JRK: variants seen among roughly 807,000 people sequenced by gnomAD.
The protein encoded by JRK is Jrk helix-turn-helix protein, also known as jerky protein homolog.
For synonymous variants in JRK, 303 were observed against 218.1 expected (o/e 1.39, Z -3.43); for missense variants, 720 against 509.2 (o/e 1.41, Z -3.98).
chr8:142,658,957 A>G lies in JRK; in HGVS notation c.*5395T>C. On this transcript the variant is annotated 3_prime_UTR_variant, in exon 2 of 2. Coordinates refer to ENST00000612905, the MANE Select transcript of JRK (RefSeq NM_003724.4). ...GGCCCACAGTCTCCTGAAACAACAG[A>G]ACTTTGCTGCTTCATGGAGGAGCGT... is the stretch of plus-strand genomic sequence containing the variant. The G allele has an allele frequency of 6.2e-7, 1 of 1,611,686 alleles. No individual in the cohort carries two copies.
the JRK span, among the ~76,000 whole-genome samples, chr8:142,652,138 A>G: frequency 5.9e-5 from 9 of 152,336 alleles, no homozygotes; most frequent in Admixed American, 6.5e-5. Context: ...AGCCATAAAG[A>G]TAACTCAAGC....
chr8:142,660,189 G>A lies in JRK; in HGVS notation c.*4163C>T, dbSNP rs183248872. The A allele has an allele frequency of 4.6e-4, 452 of 985,516 alleles. 3 individuals are homozygous for A. The African/African-American group carries it at 6.6e-3, about 14-fold the overall frequency. The allele number at this position is 985,516 out of a possible 1,614,324, so 61.0% of individuals were successfully genotyped here. On this transcript the variant is annotated 3_prime_UTR_variant, in exon 2 of 2. Coordinates refer to ENST00000612905, the MANE Select transcript of JRK (RefSeq NM_003724.4). ...GGCAGCTGAGTCCAACGCAGTGCCC[G>A]AGAGCTCAGCCCTTGTCAAGGAGAG...
intron 1 of JRK, among the ~76,000 whole-genome samples, chr8:142,668,410 C>T (rs1253029485): frequency 1.3e-5 from 2 of 152,146 alleles, no homozygotes; most frequent in Admixed American, 6.5e-5. Context: ...CTGCATTGTT[C>T]GCTGAGGGTG....
chr8:142,664,327 T>C lies in JRK; in HGVS notation c.*25A>G. ...AGGGTGTGGGGAGAAACAGGGCCAG[T>C]GGCCAGGGCAGGGCAGAGAAGCCAT... On this transcript the variant is annotated 3_prime_UTR_variant, in exon 2 of 2. Coordinates refer to ENST00000612905, the MANE Select transcript of JRK (RefSeq NM_003724.4). 1.3e-6 allele frequency: 2 copies of C among 1,525,752 alleles called. No homozygotes were observed. Among genetic ancestry groups the C allele is most frequent in the Non-Finnish European group, 1.8e-6 (2 of 1,135,122 alleles). 94.5% of individuals were successfully genotyped at this position (1,525,752 alleles called of 1,614,324 possible).
Position 142,664,037 on chromosome 8 carries a change from A to C in JRK, c.*315T>G. On this transcript the variant is annotated 3_prime_UTR_variant, in exon 2 of 2. Transcript: ENST00000612905. ...ATGATCAGCCAGCGAACACGAGACC[A>C]GATCGGCTCAGCCTGGCCCCCATTC... is the stretch of plus-strand genomic sequence containing the variant. The C allele has an allele frequency of 8.6e-7, 1 of 1,166,052 alleles. No individual in the cohort carries two copies. The highest frequency in any genetic ancestry group is 1.6e-5 in the African/African-American group (1 of 63,354). The allele number at this position is 1,166,052 out of a possible 1,614,324, so 72.2% of individuals were successfully genotyped here.
In JRK at chr8:142,664,073, G is replaced by GCTTGAAAAAA; in HGVS notation, c.*278_*279insTTTTTTCAAG. ...GCCTGGCCCCCATTCCAGCCAGGGT[G>GCTTGAAAAAA]CGGCTCTGGCTTGTTCTAGGCTAGG... On this transcript the variant is annotated 3_prime_UTR_variant, in exon 2 of 2. Coordinates refer to ENST00000612905, the MANE Select transcript of JRK (RefSeq NM_003724.4). The GCTTGAAAAAA allele has an allele frequency of 8.2e-7, 1 of 1,224,806 alleles. No individual in the cohort carries two copies. Among genetic ancestry groups the GCTTGAAAAAA allele is most frequent in the Non-Finnish European group, 1.0e-6 (1 of 981,836 alleles). 75.9% of individuals were successfully genotyped at this position (1,224,806 alleles called of 1,614,324 possible).
In JRK at chr8:142,665,381, G is replaced by T; in HGVS notation, c.678C>A (p.Gly226=). The T allele has an allele frequency of 1.4e-6, 1 of 717,668 alleles. No individual in the cohort carries two copies. Among genetic ancestry groups the T allele is most frequent in the Non-Finnish European group, 2.6e-6 (1 of 385,092 alleles). 44.5% of individuals were successfully genotyped at this position (717,668 alleles called of 1,614,324 possible). Residue 226 remains glycine (G), a synonymous_variant, in exon 2 of 2, where the codon GGC becomes GGA. Transcript: ENST00000612905. ...TGGCCAAGGGCTTGAGCCTGTGGGA[G>T]CCCGTGGCGTTGGCACACATCAGCA... ...LTVLMCANAT[G]SHRLKPLAIG... is the part of the protein sequence containing the mutation.
the JRK span, among the ~76,000 whole-genome samples, chr8:142,650,487 C>T: frequency 0.011 from 1,691 of 152,196 alleles, 38 homozygotes; most frequent in African/African-American, 0.037. Flanking sequence ...TTGGAGGAAC[C>T]CAGTGGGAGG....
Position 142,662,883 on chromosome 8 carries a change from A to G in JRK, c.*1469T>C. 4.1e-6 allele frequency: 4 copies of G among 984,604 alleles called. No homozygotes were observed. Among genetic ancestry groups the G allele is most frequent in the Non-Finnish European group, 4.8e-6 (4 of 829,190 alleles). The allele number at this position is 984,604 out of a possible 1,614,324, so 61.0% of individuals were successfully genotyped here. A position where few individuals can be genotyped will look rare whatever the true frequency, so the allele number is the denominator to read the frequency against. Reference sequence around the variant, plus strand: ...TAGCAAGAAAAACCTATTTAGGCCGAGTGCTGTGGCTCACACCTGTAATCC... The same window carrying G: ...TAGCAAGAAAAACCTATTTAGGCCGGGTGCTGTGGCTCACACCTGTAATCC... On this transcript the variant is annotated 3_prime_UTR_variant, in exon 2 of 2. Transcript: ENST00000612905.
chr8:142,662,923 G>T lies in JRK; in HGVS notation c.*1429C>A. The T allele has an allele frequency of 1.1e-6, 1 of 916,406 alleles. No individual in the cohort carries two copies. The highest frequency in any genetic ancestry group is 1.3e-6 in the Non-Finnish European group (1 of 767,048). The allele number at this position is 916,406 out of a possible 1,614,324, so 56.8% of individuals were successfully genotyped here. A position where few individuals can be genotyped will look rare whatever the true frequency, so the allele number is the denominator to read the frequency against. Reference sequence around the variant, plus strand: ...ACCTGTAATCCCAGCACTTTAGAAGGATGAGGAAGGAGGATCGCTTGAGGC... The same window carrying T: ...ACCTGTAATCCCAGCACTTTAGAAGTATGAGGAAGGAGGATCGCTTGAGGC... On this transcript the variant is annotated 3_prime_UTR_variant, in exon 2 of 2. Coordinates refer to ENST00000612905, the MANE Select transcript of JRK (RefSeq NM_003724.4).
At chr8:142,656,418 T>C (rs1214757897), downstream of JRK, among the ~76,000 whole-genome samples, 1 of 152,216 alleles carries the variant, frequency 6.6e-6, no homozygotes, top group African/African-American at 2.4e-5. Flanking sequence ...TCTTTGTTGT[T>C]TTCCCTGACC....
downstream of JRK, among the ~76,000 whole-genome samples, chr8:142,655,558 G>A (rs1554633535): frequency 1.3e-5 from 2 of 152,030 alleles, no homozygotes; most frequent in African/African-American, 4.8e-5. Context: ...ACAGGCAGGG[G>A]AAGGGATGCA....
Position 142,661,063 on chromosome 8 carries a change from G to C in JRK, c.*3289C>G. 1 of 985,384 alleles carries C rather than the reference G, an allele frequency of 1.0e-6. No individual in the cohort carries two copies. The highest frequency in any genetic ancestry group is 1.2e-6 in the Non-Finnish European group (1 of 829,916). 61.0% of individuals were successfully genotyped at this position (985,384 alleles called of 1,614,324 possible). A position where few individuals can be genotyped will look rare whatever the true frequency, so the allele number is the denominator to read the frequency against. On this transcript the variant is annotated 3_prime_UTR_variant, in exon 2 of 2. Coordinates refer to ENST00000612905, the MANE Select transcript of JRK (RefSeq NM_003724.4). Reference sequence around the variant, plus strand: ...AGAACAGTGGCCTGCGACGTCAGGGGCAGTCCAGGTGCTCTCCATCGCATG... The same window carrying C: ...AGAACAGTGGCCTGCGACGTCAGGGCCAGTCCAGGTGCTCTCCATCGCATG...
intron 1 of JRK, among the ~76,000 whole-genome samples, chr8:142,669,214 G>C (rs913771741): frequency 3.3e-5 from 5 of 149,366 alleles, no homozygotes; most frequent in Admixed American, 6.6e-5. Flanking sequence ...GTGTGTGTTG[G>C]GGGGTATGGA....
Position 142,663,983 on chromosome 8 carries a change from G to A in JRK, c.*369C>T, listed in dbSNP as rs1846999809. ...AGGGCAACTTCTCTCCACGTGGACAGACTGACATCTCCACCCTCTGATACT... is the reference window on the plus strand; with the variant it reads ...AGGGCAACTTCTCTCCACGTGGACAAACTGACATCTCCACCCTCTGATACT... On this transcript the variant is annotated 3_prime_UTR_variant, in exon 2 of 2. Coordinates refer to ENST00000612905, the MANE Select transcript of JRK (RefSeq NM_003724.4). 1 of 1,041,436 alleles carries A rather than the reference G, an allele frequency of 9.6e-7. No homozygotes were observed. Among genetic ancestry groups the A allele is most frequent in the Non-Finnish European group, 1.2e-6 (1 of 866,718 alleles). 64.5% of individuals were successfully genotyped at this position (1,041,436 alleles called of 1,614,324 possible).
At chr8:142,666,861 C>T (rs1261546641) in intron 1 of JRK, among the ~76,000 whole-genome samples, 7 of 152,184 alleles carry the variant, frequency 4.6e-5, no homozygotes, top group Non-Finnish European at 7.3e-5. Context: ...CCAGGAAGTC[C>T]GATGCTGGGC....
In JRK at chr8:142,663,230, G is replaced by A; in HGVS notation, c.*1122C>T. 1.0e-6 allele frequency: 1 copy of A among 985,448 alleles called. No individual in the cohort carries two copies. The highest frequency in any genetic ancestry group is 1.2e-6 in the Non-Finnish European group (1 of 829,940). The allele number at this position is 985,448 out of a possible 1,614,324, so 61.0% of individuals were successfully genotyped here. On this transcript the variant is annotated 3_prime_UTR_variant, in exon 2 of 2. Transcript: ENST00000612905. ...AATCACTGTGGACACAGGGCGTTCT[G>A]GAATCTCAGCTGCAGGCAGTGAGTG...
In JRK at chr8:142,660,220, GA is replaced by G; in HGVS notation, c.*4131del. ...TCAGCCCTTGTCAAGGAGAGTCCTC[GA>G]ACCCAGAGGGGGCTGGGTAAGCAGC... On this transcript the variant is annotated 3_prime_UTR_variant, in exon 2 of 2. Coordinates refer to ENST00000612905, the MANE Select transcript of JRK (RefSeq NM_003724.4). The G allele has an allele frequency of 1.0e-6, 1 of 985,472 alleles. No individual in the cohort carries two copies. The highest frequency in any genetic ancestry group is 1.2e-6 in the Non-Finnish European group (1 of 829,986). The allele number at this position is 985,472 out of a possible 1,614,324, so 61.0% of individuals were successfully genotyped here.
Position 142,664,517 on chromosome 8 carries a change from C to G in JRK, c.1542G>C (p.Gln514His), listed in dbSNP as rs1554635144. The change falls in exon 2 of 2, where the codon CAG becomes CAC. Residue 514 changes from glutamine to histidine, a missense_variant. Coordinates refer to ENST00000612905, the MANE Select transcript of JRK (RefSeq NM_003724.4). Reference sequence around the variant, plus strand: ...GGAACACGGCACGCAGCGCCCGCAGCTGCCCCACTTCCTGCGCACTGAAGC... The same window carrying G: ...GGAACACGGCACGCAGCGCCCGCAGGTGCCCCACTTCCTGCGCACTGAAGC... ...QPCFSAQEVGQLRALRAVFRS... is the reference protein window; with the variant it reads ...QPCFSAQEVGHLRALRAVFRS... 1.2e-6 allele frequency: 2 copies of G among 1,609,382 alleles called. No individual in the cohort carries two copies. The highest frequency in any genetic ancestry group is 1.7e-6 in the Non-Finnish European group (2 of 1,178,646).
Sources: gnomAD v4.1 joint callset for allele counts (sites outside exome capture counted in the v4.1 genomes callset) on GRCh38, gnomAD v4.1.1 for gene constraint, MANE v1.5 for transcripts, NCBI Gene and HGNC (gene_info 2026-07-23, HGNC 2026-07-21) for gene names.